Variants in USO1 observed in about 807,000 individuals in gnomAD.
The protein encoded by USO1 is general vesicular transport factor p115.
USO1 carries 57 observed loss-of-function variants against 124.5 expected under a neutral mutation model. The observed-to-expected ratio is 0.46, with a 90% confidence interval of 0.37 to 0.57. The LOEUF is 0.57. Ranked by LOEUF, USO1 falls within the 20% of genes least tolerant of loss-of-function variation. USO1 has a pLI of 0.00. For synonymous variants in USO1, 369 were observed against 362.8 expected, an observed-to-expected ratio of 1.02 and a Z score of -0.19; for missense variants, 900 against 1,040.6, an observed-to-expected ratio of 0.86 and a Z score of 1.86.
At chr4:75,796,898 G>T (rs1411349629) in intron 13 of USO1, among the ~76,000 whole-genome samples, 4 of 132,204 alleles carry the variant, frequency 3.0e-5, no homozygotes, top group Non-Finnish European at 4.8e-5. Context: ...TTTCTGGTAT[G>T]TCATTTGTCT....
Position 75,804,119 on chromosome 4 carries a change from T to C in USO1, c.1987-15T>C. 2 of 1,610,880 alleles carry C rather than the reference T, an allele frequency of 1.2e-6. No homozygotes were observed. The highest frequency in any genetic ancestry group is 8.5e-7 in the Non-Finnish European group (1 of 1,178,732). ...GTATGACTTTAAAACACATGAATTA[T>C]GTTTTGTTTCACAGGATCTCCAACT... On this transcript the variant is annotated splice_polypyrimidine_tract_variant and intron_variant, in intron 17 of 23. Transcript: ENST00000514213.
At position 75,813,462 on chromosome 4, in the gene USO1, T is replaced by A; in HGVS notation, c.*167T>A. On this transcript the variant is annotated 3_prime_UTR_variant, in exon 24 of 24. Coordinates refer to ENST00000514213, the MANE Select transcript of USO1 (RefSeq NM_003715.4). ...ATGTTGCCACCCATGTTGAAAACCTTAAAACTGAATTTATGTAGAACACAC... is the reference window on the plus strand; with the variant it reads ...ATGTTGCCACCCATGTTGAAAACCTAAAAACTGAATTTATGTAGAACACAC... 1.6e-6 allele frequency: 1 copy of A among 617,662 alleles called. No individual in the cohort carries two copies. Among genetic ancestry groups the A allele is most frequent in the Non-Finnish European group, 2.4e-6 (1 of 410,996 alleles). 38.3% of individuals were successfully genotyped at this position (617,662 alleles called of 1,614,324 possible).
intron 3 of USO1, among the ~76,000 whole-genome samples, chr4:75,754,511 C>G (rs532135967): frequency 3.3e-5 from 5 of 152,358 alleles, no homozygotes; most frequent in South Asian, 2.1e-4. Context: ...CATTTCTACT[C>G]TACCAAGATC....
chr4:75,733,726 C>T (rs1026526771), intron 1 of USO1, among the ~76,000 whole-genome samples: 4 of 152,068 alleles, frequency 2.6e-5, no homozygotes, highest in African/African-American at 9.7e-5. Flanking sequence ...AGACCTTTGT[C>T]AGATGCATGG....
Position 75,770,501 on chromosome 4 carries a change from C to T in USO1, c.358C>T (p.Gln120Ter). ...GSQFTEIFIK[Q>*]QENVTLLLSL... ...CCAATTTACAGAAATTTTCATTAAGCAGCAGGAAAATGTCACTCTTCTGTT... is the reference window on the plus strand; with the variant it reads ...CCAATTTACAGAAATTTTCATTAAGTAGCAGGAAAATGTCACTCTTCTGTT... The change falls in exon 5 of 24, where the codon CAG (glutamine) becomes TAG (stop). Residue 120 changes from glutamine to a stop codon, truncating the protein, a stop_gained. Transcript: ENST00000514213. LOFTEE classifies it high-confidence loss of function. 1 of 1,595,644 alleles carries T rather than the reference C, an allele frequency of 6.3e-7. No individual in the cohort carries two copies. The highest frequency in any genetic ancestry group is 8.5e-7 in the Non-Finnish European group (1 of 1,170,146).
intron 1 of USO1, among the ~76,000 whole-genome samples, chr4:75,749,946 G>T (rs1309465542): frequency 6.6e-6 from 1 of 151,840 alleles, no homozygotes; most frequent in Non-Finnish European, 1.5e-5. Flanking sequence ...GTAGAGACAG[G>T]GTTTCATCAT....
chr4:75,748,752 C>T (rs115981235), intron 1 of USO1, among the ~76,000 whole-genome samples: 1,652 of 151,846 alleles, frequency 0.011, 34 homozygotes, highest in African/African-American at 0.038. Context: ...CAGAAAACGC[C>T]TGGAAAAAAA....
chr4:75,788,662 C>A (rs1364240309), intron 10 of USO1, among the ~76,000 whole-genome samples: 2 of 151,392 alleles, frequency 1.3e-5, no homozygotes, highest in Non-Finnish European at 2.9e-5. Context: ...TCTGCCTCAG[C>A]CTCCAGAGTA....
At chr4:75,782,536 C>A in intron 8 of USO1, 144 bp from the exon 9 acceptor site, 1 of 1,098,250 alleles carries the variant, frequency 9.1e-7, no homozygotes, top group Non-Finnish European at 1.2e-6. Context: ...GGCCTGTGGC[C>A]ATCAGGTGTC....
chr4:75,790,035 C>T (rs1429964917), intron 10 of USO1, 115 bp from the exon 11 acceptor site: 14 of 1,198,442 alleles, frequency 1.2e-5, no homozygotes, highest in African/African-American at 1.7e-5. Flanking sequence ...TACCCTAAAA[C>T]TTAAAGTATA....
At chr4:75,783,805 T>C (rs1182386615) in intron 9 of USO1, among the ~76,000 whole-genome samples, 2 of 152,222 alleles carry the variant, frequency 1.3e-5, no homozygotes, top group Admixed American at 6.5e-5. Context: ...GTTTGGATTA[T>C]AAATTATGCA....
At chr4:75,737,241 C>A (rs984894315) in intron 1 of USO1, among the ~76,000 whole-genome samples, 1 of 152,050 alleles carries the variant, frequency 6.6e-6, no homozygotes, top group South Asian at 2.1e-4. Context: ...AGTAATATTG[C>A]CTATCTTACT....
At chr4:75,742,066 A>G (rs2149144778) in intron 1 of USO1, among the ~76,000 whole-genome samples, 1 of 152,344 alleles carries the variant, frequency 6.6e-6, no homozygotes, top group South Asian at 2.1e-4. Context: ...CTTCTTCTGG[A>G]ATACTTCTTG....
intron 1 of USO1, among the ~76,000 whole-genome samples, chr4:75,750,949 C>T (rs1363763456): frequency 4.6e-5 from 7 of 151,950 alleles, no homozygotes; most frequent in South Asian, 2.1e-4. Flanking sequence ...TTACTGAATC[C>T]GTAGTTTAAA....
chr4:75,745,312 G>C, intron 1 of USO1: 1 of 519,342 alleles, frequency 1.9e-6, no homozygotes, highest in South Asian at 1.4e-5. Context: ...AACTGCCCTG[G>C]CTGGGCAGTT....
intron 8 of USO1, among the ~76,000 whole-genome samples, chr4:75,777,475 A>C (rs1722103243): frequency 6.6e-6 from 1 of 152,214 alleles, no homozygotes; most frequent in African/African-American, 2.4e-5. Flanking sequence ...AAATATATTT[A>C]GAACTCTTAA....
rs565231813 is a variant in USO1, at chr4:75,808,956, C to T, written c.2380C>T (p.Leu794=). 5 of 1,595,436 alleles carry T rather than the reference C, an allele frequency of 3.1e-6. No homozygotes were observed. The African/African-American group carries it at 4.0e-5, about 13-fold the overall frequency. The change falls in exon 21 of 24, where the codon CTG becomes TTG. Residue 794 remains leucine, a synonymous_variant. Transcript: ENST00000514213. Reference sequence around the variant, plus strand: ...CTCAACTATTTTTGTCTCTTAGGAACTGGCAACTTTAAAGTCTCAGTTAAA... The same window carrying T: ...CTCAACTATTTTTGTCTCTTAGGAATTGGCAACTTTAAAGTCTCAGTTAAA... ...SEQVAELKQE[L]ATLKSQLNSQ...
At chr4:75,813,006 G>A (rs1320980938) in intron 23 of USO1, among the ~76,000 whole-genome samples, 200 bp from the exon 24 acceptor site, 3 of 151,932 alleles carry the variant, frequency 2.0e-5, no homozygotes, top group Non-Finnish European at 2.9e-5. Context: ...CCAGCTACTC[G>A]GGAGGCTGAG....
chr4:75,749,975 G>A (rs913555023), intron 1 of USO1, among the ~76,000 whole-genome samples: 4 of 152,008 alleles, frequency 2.6e-5, no homozygotes, highest in Non-Finnish European at 5.9e-5. Context: ...GCATGGTCTC[G>A]ATCTCCTGAC....
Sources: allele counts gnomAD v4.1 joint callset (sites outside exome capture counted in the v4.1 genomes callset), GRCh38; gene constraint gnomAD v4.1.1; transcripts MANE v1.5; gene names NCBI Gene and HGNC (gene_info 2026-07-23, HGNC 2026-07-21).